The following SNRPN variants were observed in gnomAD, a reference collection of about 807,000 sequenced individuals.
SNRPN encodes small nuclear ribonucleoprotein polypeptide N.
SNRPN carries 7 observed loss-of-function variants against 25.2 expected under a neutral mutation model. That is an observed-to-expected ratio of 0.28 (90% CI 0.16 to 0.52). SNRPN has a LOEUF of 0.52. Among genes scored for constraint, SNRPN ranks in the 20% least tolerant of loss-of-function variants. The pLI is 0.96. For synonymous variants in SNRPN, 124 were observed against 110.6 expected, an observed-to-expected ratio of 1.12 and a Z score of -0.76; for missense variants, 196 against 322.5, an observed-to-expected ratio of 0.61 and a Z score of 3.00.
chr15:24,952,537 T>C (rs2062360799), upstream of SNRPN, among the ~76,000 whole-genome samples: 1 of 152,154 alleles, frequency 6.6e-6, no homozygotes, highest in Non-Finnish European at 1.5e-5. Context: ...TAATGGCAGT[T>C]CTCTTTAGAT....
At chr15:24,909,706 C>G in intron 2 of SNRPN, 2 of 1,234,442 alleles carry the variant, frequency 1.6e-6, no homozygotes, top group South Asian at 2.4e-5. Context: ...TATTTTTATC[C>G]TGTATCACCA....
chr15:24,956,464 G>A (rs1173134899), intron 1 of SNRPN, among the ~76,000 whole-genome samples: 1 of 152,162 alleles, frequency 6.6e-6, no homozygotes, highest in Non-Finnish European at 1.5e-5. Flanking sequence ...TTAGGGTGCA[G>A]TGGTAAGGAG....
chr15:24,978,529 C>G lies in SNRPN; in HGVS notation c.*85C>G, dbSNP rs935890420. Reference sequence around the variant, plus strand: ...AGAGTGTTTGTGAGCTTTTTGTTCCCTCATTCTGCATTAATAATAGCTAAT... The same window carrying G: ...AGAGTGTTTGTGAGCTTTTTGTTCCGTCATTCTGCATTAATAATAGCTAAT... On this transcript the variant is annotated 3_prime_UTR_variant, in exon 10 of 10. Coordinates refer to ENST00000390687, the MANE Select transcript of SNRPN (RefSeq NM_003097.6). 1.7e-6 allele frequency: 2 copies of G among 1,188,112 alleles called. No individual in the cohort carries two copies. Among genetic ancestry groups the G allele is most frequent in the Non-Finnish European group, 2.5e-6 (2 of 796,124 alleles). The allele number at this position is 1,188,112 out of a possible 1,614,324, so 73.6% of individuals were successfully genotyped here.
chr15:24,888,949 G>A (rs889298357), intron 2 of SNRPN, among the ~76,000 whole-genome samples: 31 of 151,768 alleles, frequency 2.0e-4, no homozygotes, highest in African/African-American at 7.0e-4. Flanking sequence ...ACAGAGTCTC[G>A]CTCTGTCACC....
intron 1 of SNRPN, among the ~76,000 whole-genome samples, chr15:24,956,965 G>T (rs752040038): frequency 6.6e-6 from 1 of 152,226 alleles, no homozygotes; most frequent in Non-Finnish European, 1.5e-5. Flanking sequence ...CTCCATTAAT[G>T]ATAGAGATTT....
upstream of SNRPN, among the ~76,000 whole-genome samples, chr15:24,853,575 A>C (rs1321742980): frequency 6.6e-6 from 1 of 152,056 alleles, no homozygotes; most frequent in Non-Finnish European, 1.5e-5. Context: ...TCGTATTTTT[A>C]GTGGAGACGG....
At chr15:24,852,662 A>T (rs1191955935), upstream of SNRPN, among the ~76,000 whole-genome samples, 1 of 152,224 alleles carries the variant, frequency 6.6e-6, no homozygotes, top group African/African-American at 2.4e-5. Flanking sequence ...TATGCCTATA[A>T]TCCCAACACT....
At chr15:24,956,090 C>T (rs142586858) in intron 1 of SNRPN, among the ~76,000 whole-genome samples, 234 of 152,224 alleles carry the variant, frequency 1.5e-3, no homozygotes, top group African/African-American at 5.1e-3. Flanking sequence ...GGAATCCTTG[C>T]GTACCCTTTA....
chr15:24,960,447 C>T (rs968068753), intron 1 of SNRPN, among the ~76,000 whole-genome samples: 3 of 151,976 alleles, frequency 2.0e-5, no homozygotes, highest in African/African-American at 7.2e-5. Context: ...CTCAAGCGCC[C>T]TCTCACCTTA....
intron 2 of SNRPN, chr15:24,848,330 C>T (rs891040177): frequency 1.9e-4 from 29 of 152,680 alleles, no homozygotes; most frequent in African/African-American, 6.5e-4. Context: ...TTTCCCCCTG[C>T]TATTTCCGTT....
At chr15:24,955,149 G>A in intron 1 of SNRPN, 87 bp downstream of exon 1, 2 of 1,572,230 alleles carry the variant, frequency 1.3e-6, no homozygotes, top group South Asian at 2.3e-5. Context: ...TTAGGACTTG[G>A]AGTACTGAAT....
chr15:24,968,897 C>T (rs1596294734), intron 3 of SNRPN: 2 of 151,892 alleles, frequency 1.3e-5, no homozygotes, highest in African/African-American at 2.4e-5. Flanking sequence ...ATTACAAAGT[C>T]GATTTTGATT....
intron 2 of SNRPN, among the ~76,000 whole-genome samples, chr15:24,963,889 A>G (rs1486255493): frequency 1.3e-5 from 2 of 151,936 alleles, no homozygotes; most frequent in South Asian, 4.2e-4. Flanking sequence ...TAAATTAGCC[A>G]GGCGTGGTGT....
chr15:24,864,598 C>G (rs1362370005), intron 1 of SNRPN, among the ~76,000 whole-genome samples: 3 of 151,986 alleles, frequency 2.0e-5, no homozygotes, highest in Non-Finnish European at 4.4e-5. Context: ...CCCACCTCAG[C>G]CTCCCAAAGT....
intron 7 of SNRPN, 21 bp from the exon 8 acceptor site, chr15:24,977,756 GT>G (rs1566978374): frequency 6.4e-7 from 1 of 1,569,800 alleles, no homozygotes; most frequent in South Asian, 1.2e-5. Context: ...CGCTTTGACT[GT>G]TTCCCGCCCT....
At chr15:24,843,509 G>A (rs1445955687) in intron 2 of SNRPN, among the ~76,000 whole-genome samples, 1 of 152,124 alleles carries the variant, frequency 6.6e-6, no homozygotes, top group African/African-American at 2.4e-5. Context: ...TTGGCCGGGT[G>A]CAGTGGCTCA....
chr15:24,952,649 G>C (rs1326051060), upstream of SNRPN, among the ~76,000 whole-genome samples: 3 of 152,188 alleles, frequency 2.0e-5, no homozygotes, highest in Admixed American at 2.0e-4. Context: ...GGCAGTCAGA[G>C]TTTGAAAAGA....
chr15:24,874,897 G>A (rs1047673774), intron 1 of SNRPN, among the ~76,000 whole-genome samples: 1 of 152,152 alleles, frequency 6.6e-6, no homozygotes, highest in Non-Finnish European at 1.5e-5. Context: ...GCTGTTGTTA[G>A]TGTATTCTGC....
Position 24,975,438 on chromosome 15 carries a change from T to C in SNRPN, c.84T>C (p.Ile28=), listed in dbSNP as rs748523454. The C allele has an allele frequency of 8.7e-6, 14 of 1,613,258 alleles. No individual in the cohort carries two copies. The East Asian group carries it at 3.1e-4, about 36-fold the overall frequency. Residue 28 remains isoleucine, a synonymous_variant, in exon 5 of 10, where the codon ATT becomes ATC. Coordinates refer to ENST00000390687, the MANE Select transcript of SNRPN (RefSeq NM_003097.6). ...RCILQDGRIF[I]GTFKAFDKHM... ...TCCTGCAAGATGGCCGAATCTTCAT[T>C]GGCACCTTTAAGGCTTTTGACAAGC...
Sources: gnomAD v4.1 joint callset for allele counts (sites outside exome capture counted in the v4.1 genomes callset) on GRCh38, gnomAD v4.1.1 for gene constraint, MANE v1.5 for transcripts, NCBI Gene and HGNC (gene_info 2026-07-23, HGNC 2026-07-21) for gene names.